SPHKAP: variants seen among roughly 807,000 people sequenced by gnomAD.
The protein encoded by SPHKAP is A-kinase anchor protein SPHKAP.
Under a neutral mutation model 137.5 loss-of-function variants are expected in SPHKAP, and 67 were observed. That is an observed-to-expected ratio of 0.49 (90% confidence interval 0.40 to 0.60). The LOEUF is 0.60. SPHKAP is among the 20% of genes least tolerant of loss of function. The probability of loss-of-function intolerance (pLI) is 0.00; values close to 1 mark genes in which losing one functional copy is unlikely to be tolerated. For missense variants in SPHKAP, 2,097 were observed against 2,069.3 expected (o/e 1.01, Z -0.26); for synonymous variants, 813 against 785.3 (o/e 1.04, Z -0.59).
At chr2:228,052,109 G>A (rs1187382360) in intron 3 of SPHKAP, among the ~76,000 whole-genome samples, 1 of 151,738 alleles carries the variant, frequency 6.6e-6, no homozygotes, top group Admixed American at 6.6e-5. Flanking sequence ...TGGATTTGAA[G>A]ATTATGAGAG....
intron 3 of SPHKAP, among the ~76,000 whole-genome samples, chr2:228,068,374 A>AG (rs1696896968): frequency 6.6e-6 from 1 of 152,094 alleles, no homozygotes; most frequent in Non-Finnish European, 1.5e-5. Context: ...GAAAAAAAAA[A>AG]CAACACCTTA....
At chr2:228,173,852 A>G (rs932425925) in intron 1 of SPHKAP, among the ~76,000 whole-genome samples, 5 of 152,204 alleles carry the variant, frequency 3.3e-5, no homozygotes, top group Admixed American at 6.5e-5. Flanking sequence ...TACTTCAAAA[A>G]CCATGGCTAC....
intron 3 of SPHKAP, among the ~76,000 whole-genome samples, chr2:228,030,490 G>A (rs1344467191): frequency 1.5e-5 from 2 of 129,316 alleles, no homozygotes; most frequent in Non-Finnish European, 3.1e-5. Flanking sequence ...ACTCCAGCCT[G>A]GCAACAGAGC....
chr2:228,145,641 A>C (rs1035816254), intron 1 of SPHKAP, among the ~76,000 whole-genome samples: 68 of 152,278 alleles, frequency 4.5e-4, no homozygotes, highest in African/African-American at 1.5e-3. Flanking sequence ...TGCATTTTCC[A>C]ACTTGTTAGG....
In SPHKAP at chr2:228,103,620, T is replaced by G. The variant is rs138492421; in HGVS notation, c.246+5212A>C. Among the ~76,000 whole-genome samples the G allele has an allele frequency of 8.5e-3, 1,298 of 152,310 alleles. 11 individuals carry two copies. Among genetic ancestry groups the G allele is most frequent in the Non-Finnish European group, 0.013 (917 of 68,018 alleles). ...AGCCTGCTGCTTGCTCAGGTAACTC[T>G]TGATGCTTAAACTGATTCCTAAAGT... On this transcript the variant is annotated intron_variant, in intron 3 of 11. Transcript: ENST00000392056.
chr2:228,109,956 C>CAAAAAA (rs11440513), intron 2 of SPHKAP, among the ~76,000 whole-genome samples: 4 of 56,270 alleles, frequency 7.1e-5, no homozygotes, highest in Non-Finnish European at 1.2e-4. Context: ...GAAAATGTCT[C>CAAAAAA]AAAAAAAAAA....
At chr2:228,163,379 T>A (rs1168056383) in intron 1 of SPHKAP, among the ~76,000 whole-genome samples, 1 of 152,192 alleles carries the variant, frequency 6.6e-6, no homozygotes, top group Non-Finnish European at 1.5e-5. Flanking sequence ...ATTATACATG[T>A]ATCAAATGTT....
At chr2:228,068,738 G>T (rs1421095382) in intron 3 of SPHKAP, among the ~76,000 whole-genome samples, 2 of 152,158 alleles carry the variant, frequency 1.3e-5, no homozygotes, top group Non-Finnish European at 1.5e-5. Flanking sequence ...AGTATGATGT[G>T]CTTTTATTTT....
chr2:228,024,031 G>A (rs1018114530), intron 5 of SPHKAP, among the ~76,000 whole-genome samples: 2 of 152,096 alleles, frequency 1.3e-5, no homozygotes, highest in Non-Finnish European at 2.9e-5. Flanking sequence ...TGGGGCCAAC[G>A]GAAAGAAAAC....
At chr2:228,068,734 A>T (rs1696909635) in intron 3 of SPHKAP, among the ~76,000 whole-genome samples, 1 of 152,200 alleles carries the variant, frequency 6.6e-6, no homozygotes, top group Non-Finnish European at 1.5e-5. Flanking sequence ...GGAAAGTATG[A>T]TGTGCTTTTA....
At chr2:228,152,298 C>T (rs1321819425) in intron 1 of SPHKAP, among the ~76,000 whole-genome samples, 2 of 151,996 alleles carry the variant, frequency 1.3e-5, no homozygotes, top group Non-Finnish European at 2.9e-5. Flanking sequence ...TTTGATTTTG[C>T]TATTTTTATT....
chr2:228,178,286 T>G (rs2106437419), intron 1 of SPHKAP, among the ~76,000 whole-genome samples: 1 of 152,334 alleles, frequency 6.6e-6, no homozygotes, highest in African/African-American at 2.4e-5. Flanking sequence ...TTAAATACAA[T>G]TATTTCCTTT....
intron 11 of SPHKAP, chr2:227,982,400 C>T: frequency 2.0e-6 from 2 of 979,586 alleles, no homozygotes; most frequent in Non-Finnish European, 2.4e-6. Flanking sequence ...TGGCTTTCCA[C>T]AGCCACAGGA....
chr2:228,102,034 C>G (rs987748899), intron 3 of SPHKAP, among the ~76,000 whole-genome samples: 1 of 152,152 alleles, frequency 6.6e-6, no homozygotes. Context: ...AACTCTTGAG[C>G]AATTTACTCA....
intron 1 of SPHKAP, among the ~76,000 whole-genome samples, chr2:228,168,374 T>A (rs946561872): frequency 3.9e-5 from 6 of 152,328 alleles, no homozygotes; most frequent in Middle Eastern, 6.8e-3. Context: ...CATCCAGTAA[T>A]CCTATTGGCA....
intron 3 of SPHKAP, among the ~76,000 whole-genome samples, chr2:228,057,558 C>T (rs1023940343): frequency 2.0e-5 from 3 of 152,050 alleles, no homozygotes; most frequent in Non-Finnish European, 4.4e-5. Context: ...AGTTTGAGCA[C>T]AGGTTTGAGG....
intron 2 of SPHKAP, among the ~76,000 whole-genome samples, chr2:228,117,246 C>A (rs751942093): frequency 2.0e-5 from 3 of 152,036 alleles, no homozygotes; most frequent in East Asian, 1.9e-4. Flanking sequence ...TTATTAGACT[C>A]TATACTTGAT....
At position 228,019,203 on chromosome 2, in the gene SPHKAP, CATT is replaced by C. The variant is rs1237964206; in HGVS notation, c.1648_1650del (p.Asn550del). 6.2e-7 allele frequency: 1 copy of C among 1,613,794 alleles called. No homozygotes were observed. On this transcript the variant is annotated inframe_deletion, in exon 7 of 12. Transcript: ENST00000392056. ...CACAAAGCAGATGGAAAGGAGTACT[CATT>C]GATGGAAGGTTCCTTGAGTCCTTGG...
Position 228,035,081 on chromosome 2 carries a change from A to T in SPHKAP, c.247-7538T>A, listed in dbSNP as rs1233897292. Among the ~76,000 whole-genome samples the T allele has an allele frequency of 1.3e-3, 188 of 148,966 alleles. 1 individual carries two copies. The highest frequency in any genetic ancestry group is 4.4e-3 in the African/African-American group (175 of 40,106). On this transcript the variant is annotated intron_variant, in intron 3 of 11. Transcript: ENST00000392056. ...AAGGGTATTCAATTAGGAAAAGAGGAAGTCAAATTGTCCCTGTTTGCAGAT... is the reference window on the plus strand; with the variant it reads ...AAGGGTATTCAATTAGGAAAAGAGGTAGTCAAATTGTCCCTGTTTGCAGAT...
Sources: allele counts gnomAD v4.1 joint callset (sites outside exome capture counted in the v4.1 genomes callset), GRCh38; gene constraint gnomAD v4.1.1; transcripts MANE v1.5; gene names NCBI Gene and HGNC (gene_info 2026-07-23, HGNC 2026-07-21).